The following HNRNPC variants were observed in gnomAD, a reference collection of about 807,000 sequenced individuals.
HNRNPC encodes the protein heterogeneous nuclear ribonucleoproteins C1/C2.
In HNRNPC, 3 loss-of-function variants were observed where a neutral mutation model predicts 33.2. That is an observed-to-expected ratio of 0.09 (90% CI 0.04 to 0.23). HNRNPC has a LOEUF of 0.23. HNRNPC is among the 10% of genes least tolerant of loss of function. The probability of loss-of-function intolerance (pLI) is 1.00; values close to 1 mark genes in which losing one functional copy is unlikely to be tolerated. For missense variants in HNRNPC, 143 were observed against 366.7 expected, an observed-to-expected ratio of 0.39 and a Z score of 4.98; for synonymous variants, 121 against 126.7, an observed-to-expected ratio of 0.96 and a Z score of 0.30.
chr14:21,242,287 AAACTGGTCAACATAGTG>A (rs1308464004), intron 2 of HNRNPC, among the ~76,000 whole-genome samples: 1 of 152,230 alleles, frequency 6.6e-6, no homozygotes, highest in African/African-American at 2.4e-5. Context: ...GGTGGAGACC[AAACTGGTCAACATAGTG>A]AAACCCCATC....
intron 5 of HNRNPC, among the ~76,000 whole-genome samples, chr14:21,215,714 A>G (rs148061817): frequency 2.0e-5 from 3 of 152,132 alleles, no homozygotes; most frequent in Non-Finnish European, 1.5e-5. Flanking sequence ...CCTGACCAAC[A>G]TGGGGAAACC....
chr14:21,256,614 T>C (rs1877259027), intron 2 of HNRNPC, among the ~76,000 whole-genome samples: 1 of 152,068 alleles, frequency 6.6e-6, no homozygotes, highest in South Asian at 2.1e-4. Flanking sequence ...GTCGACAGTA[T>C]GAGTAGTGGT....
In HNRNPC at chr14:21,211,794, C is replaced by G; in HGVS notation, c.637+16G>C. On this transcript the variant is annotated intron_variant, in intron 7 of 8. Transcript: ENST00000553300. ...AACCCAACTGTATACCAAGGGCAAG[C>G]AGAAAACCCATTTACCTGCTTGTTT... The G allele has an allele frequency of 1.2e-6, 2 of 1,600,134 alleles. No homozygotes were observed. Among genetic ancestry groups the G allele is most frequent in the East Asian group, 2.2e-5 (1 of 44,822 alleles).
At chr14:21,213,705 T>A (rs1891862011) in intron 5 of HNRNPC, among the ~76,000 whole-genome samples, 1 of 152,118 alleles carries the variant, frequency 6.6e-6, no homozygotes, top group African/African-American at 2.4e-5. Flanking sequence ...CATAGCAAAA[T>A]GTGTTGGCTG....
In HNRNPC at chr14:21,236,337, A is replaced by C. The variant is rs186863455; in HGVS notation, c.-36-2108T>G. The stretch of plus-strand genomic sequence containing the variant: ...TAAAATACAAAAATCCCAACTTCCA[A>C]AGTTTGCCTAAAATTAATAAAATAC... On this transcript the variant is annotated intron_variant, in intron 2 of 8. Coordinates refer to ENST00000553300, the MANE Select transcript of HNRNPC (RefSeq NM_004500.4). 1.1e-4 allele frequency: 16 copies of C among 152,308 alleles called. No homozygotes were observed. In the East Asian group the frequency reaches 3.1e-3, roughly 29 times the overall value. The allele number at this position is 152,308 out of a possible 1,614,324, so 9.4% of individuals were successfully genotyped here.
chr14:21,259,738 A>C (rs1877846926), intron 2 of HNRNPC, among the ~76,000 whole-genome samples: 1 of 152,040 alleles, frequency 6.6e-6, no homozygotes, highest in African/African-American at 2.4e-5. Flanking sequence ...TTGGATTTTA[A>C]TATCTCCTTT....
chr14:21,259,075 G>C (rs1877729655), intron 2 of HNRNPC, among the ~76,000 whole-genome samples: 1 of 152,096 alleles, frequency 6.6e-6, no homozygotes, highest in South Asian at 2.1e-4. Context: ...TGAAATGTTT[G>C]GTCCTTGCCT....
At chr14:21,229,262 C>T (rs1318928574) in intron 5 of HNRNPC, among the ~76,000 whole-genome samples, 3 of 150,652 alleles carry the variant, frequency 2.0e-5, no homozygotes, top group South Asian at 2.1e-4. Context: ...TGGTGGCGGG[C>T]GCCTGTAGTC....
intron 1 of HNRNPC, among the ~76,000 whole-genome samples, chr14:21,268,929 G>A (rs1042338908): frequency 6.6e-6 from 1 of 151,792 alleles, no homozygotes; most frequent in Non-Finnish European, 1.5e-5. Flanking sequence ...CATGTAAGAA[G>A]AACGGAGGTA....
At chr14:21,250,536 A>G (rs1188375046) in intron 2 of HNRNPC, among the ~76,000 whole-genome samples, 2 of 152,210 alleles carry the variant, frequency 1.3e-5, no homozygotes, top group African/African-American at 2.4e-5. Context: ...AAGATATATG[A>G]TCTGCATTAA....
chr14:21,242,344 C>A (rs992105207), intron 2 of HNRNPC, among the ~76,000 whole-genome samples: 1 of 152,014 alleles, frequency 6.6e-6, no homozygotes, highest in Non-Finnish European at 1.5e-5. Context: ...ATTAGCTGGG[C>A]GTGATGTCAA....
At chr14:21,264,627 T>C (rs183014525) in intron 1 of HNRNPC, 8 of 152,332 alleles carry the variant, frequency 5.3e-5, no homozygotes, top group East Asian at 1.9e-4. Context: ...TCAGCTAAAA[T>C]AGGAACTGCA....
At chr14:21,250,139 G>A (rs1368926903) in intron 2 of HNRNPC, among the ~76,000 whole-genome samples, 1 of 151,934 alleles carries the variant, frequency 6.6e-6, no homozygotes, top group Non-Finnish European at 1.5e-5. Context: ...TGTAGTCCAG[G>A]CTACTCGGGA....
At chr14:21,224,720 C>T (rs551194781) in intron 5 of HNRNPC, among the ~76,000 whole-genome samples, 1 of 152,156 alleles carries the variant, frequency 6.6e-6, no homozygotes. Flanking sequence ...AAGCCCTTTA[C>T]AACTAACATT....
chr14:21,228,583 G>A (rs886479637), intron 5 of HNRNPC, among the ~76,000 whole-genome samples: 46 of 151,896 alleles, frequency 3.0e-4, no homozygotes, highest in African/African-American at 8.2e-4. Flanking sequence ...TAGTAGAGAC[G>A]GGGTTCCACC....
chr14:21,218,572 C>T (rs1892464222), intron 5 of HNRNPC, among the ~76,000 whole-genome samples: 1 of 148,306 alleles, frequency 6.7e-6, no homozygotes, highest in Non-Finnish European at 1.5e-5. Flanking sequence ...CCTGTAGTCC[C>T]AGCTACTCAG....
intron 2 of HNRNPC, among the ~76,000 whole-genome samples, chr14:21,238,972 C>T (rs554060672): frequency 2.0e-5 from 3 of 152,128 alleles, no homozygotes; most frequent in African/African-American, 4.8e-5. Flanking sequence ...ACTAAAAATA[C>T]AAAAATCAGC....
chr14:21,212,242 C>G (rs1050908756), intron 6 of HNRNPC, among the ~76,000 whole-genome samples: 1 of 152,060 alleles, frequency 6.6e-6, no homozygotes, highest in African/African-American at 2.4e-5. Flanking sequence ...GCCTAGATCC[C>G]CAGGGTCTTA....
intron 1 of HNRNPC, chr14:21,264,801 G>C (rs1373529147): frequency 1.3e-5 from 2 of 152,210 alleles, no homozygotes; most frequent in African/African-American, 4.8e-5. Context: ...GGCCAGGGTA[G>C]AGCACGGCTT....
Sources: allele counts gnomAD v4.1 joint callset (sites outside exome capture counted in the v4.1 genomes callset), GRCh38; gene constraint gnomAD v4.1.1; transcripts MANE v1.5; gene names NCBI Gene and HGNC (gene_info 2026-07-23, HGNC 2026-07-21).